EYS: variants seen among roughly 807,000 people sequenced by gnomAD.
EYS encodes the protein EGF-like photoreceptor maintenance factor.
EYS carries 250 observed loss-of-function variants against 282.1 expected under a neutral mutation model. That is an observed-to-expected ratio of 0.89 (90% CI 0.80 to 0.98). EYS has a LOEUF of 0.98. EYS is among the 50% of genes least tolerant of loss of function. EYS has a pLI of 0.00. For missense variants in EYS, 4,016 were observed against 3,709.0 expected (o/e 1.08, Z -2.15); for synonymous variants, 1,355 against 1,282.9 (o/e 1.06, Z -1.20).
At chr6:63,939,542 A>T (rs904845859) in intron 35 of EYS, among the ~76,000 whole-genome samples, 1 of 152,206 alleles carries the variant, frequency 6.6e-6, no homozygotes, top group South Asian at 2.1e-4. Flanking sequence ...GTTTTCCATA[A>T]TTAATGTCAT....
intron 26 of EYS, among the ~76,000 whole-genome samples, chr6:64,480,975 C>A (rs374436775): frequency 2.0e-5 from 3 of 151,404 alleles, no homozygotes; most frequent in African/African-American, 7.3e-5. Flanking sequence ...TCAGAATATA[C>A]CACATTTTCA....
chr6:63,962,267 A>C (rs1423574410), intron 35 of EYS, among the ~76,000 whole-genome samples: 1 of 152,220 alleles, frequency 6.6e-6, no homozygotes, highest in African/African-American at 2.4e-5. Context: ...ATGGGATCTA[A>C]TTAAACTAAA....
At chr6:64,367,747 C>T (rs550069898) in intron 29 of EYS, among the ~76,000 whole-genome samples, 13 of 152,136 alleles carry the variant, frequency 8.5e-5, no homozygotes, top group South Asian at 8.3e-4. Context: ...ACTTATGCAA[C>T]GGCAGCGTGG....
chr6:64,018,761 T>G (rs943553798), intron 33 of EYS, among the ~76,000 whole-genome samples: 1 of 98,554 alleles, frequency 1.0e-5, no homozygotes, highest in Non-Finnish European at 2.0e-5. Context: ...TCACAAGTGT[T>G]TTTTTTTTTT....
At chr6:64,970,069 A>G (rs1770236715) in intron 14 of EYS, among the ~76,000 whole-genome samples, 1 of 152,162 alleles carries the variant, frequency 6.6e-6, no homozygotes, top group Non-Finnish European at 1.5e-5. Flanking sequence ...ATTTTTTTCA[A>G]TAAGTATTGT....
intron 31 of EYS, among the ~76,000 whole-genome samples, chr6:64,156,390 T>A (rs1357467637): frequency 6.6e-6 from 1 of 152,076 alleles, no homozygotes. Context: ...ACCTCTTTTT[T>A]TCCCCCAGTC....
chr6:64,684,687 G>A (rs1770026752), intron 22 of EYS, among the ~76,000 whole-genome samples: 1 of 151,984 alleles, frequency 6.6e-6, no homozygotes, highest in South Asian at 2.1e-4. Context: ...AATATAGTAT[G>A]ACAAGTTTTT....
At chr6:64,558,539 A>T (rs927659573) in intron 26 of EYS, among the ~76,000 whole-genome samples, 1 of 152,044 alleles carries the variant, frequency 6.6e-6, no homozygotes, top group Non-Finnish European at 1.5e-5. Flanking sequence ...AGCAGAACAG[A>T]ACAACAACAA....
chr6:64,429,953 G>A (rs1005729406), intron 28 of EYS, among the ~76,000 whole-genome samples: 5 of 152,130 alleles, frequency 3.3e-5, no homozygotes, highest in Admixed American at 1.3e-4. Flanking sequence ...TTAATTAAAA[G>A]ATTAATGGGA....
At chr6:65,421,580 GCTAA>G (rs1172447416) in intron 5 of EYS, among the ~76,000 whole-genome samples, 3 of 151,812 alleles carry the variant, frequency 2.0e-5, no homozygotes, top group African/African-American at 7.2e-5. Flanking sequence ...TCACAACTTG[GCTAA>G]CTGTTAGGAG....
chr6:64,922,583 A>T (rs1218924389), intron 15 of EYS, among the ~76,000 whole-genome samples: 1 of 152,232 alleles, frequency 6.6e-6, no homozygotes, highest in Non-Finnish European at 1.5e-5. Context: ...ATAAAATGAG[A>T]GGAATCCCAA....
chr6:65,141,653 AT>A (rs1561987259), intron 12 of EYS, among the ~76,000 whole-genome samples: 1 of 2,756 alleles, frequency 3.6e-4, no homozygotes. Context: ...CTGTCTGTCT[AT>A]CTATCTATCT....
At chr6:63,926,157 C>A (rs374126956) in intron 35 of EYS, among the ~76,000 whole-genome samples, 13 of 152,312 alleles carry the variant, frequency 8.5e-5, no homozygotes, top group African/African-American at 3.1e-4. Flanking sequence ...TCAAAGTTCC[C>A]ATTAACTGTC....
intron 12 of EYS, among the ~76,000 whole-genome samples, chr6:65,097,583 T>C (rs1255687991): frequency 2.0e-5 from 3 of 150,744 alleles, no homozygotes; most frequent in African/African-American, 7.3e-5. Flanking sequence ...ATAAGCAAGA[T>C]AGGGAAACCA....
At chr6:63,984,197 T>C (rs974755566) in intron 35 of EYS, among the ~76,000 whole-genome samples, 186 bp downstream of exon 35, 5 of 151,768 alleles carry the variant, frequency 3.3e-5, no homozygotes, top group African/African-American at 1.2e-4. Context: ...TGAGCTACAA[T>C]ATATACATTT....
At position 64,910,659 on chromosome 6, in the gene EYS, A is replaced by G. The variant is rs78577554; in HGVS notation, c.2641+1825T>C. On this transcript the variant is annotated intron_variant, in intron 16 of 42. Transcript: ENST00000503581. ...GAAATAAGATTACATTTATTTAATA[A>G]TAGTGAAATCTAAATTCTCCCCATG... Among the ~76,000 whole-genome samples, 844 of 152,200 alleles carry G rather than the reference A, an allele frequency of 5.5e-3. 5 individuals are homozygous for G. The highest frequency in any genetic ancestry group is 0.019 in the African/African-American group (790 of 41,564).
In EYS at chr6:64,766,650, ATAT is replaced by A. The variant is rs1231634857; in HGVS notation, c.3443+46725_3443+46727del. On this transcript the variant is annotated intron_variant, in intron 22 of 42. Transcript: ENST00000503581. ...CCGTCTCAAAAAAAAAAAAAAAAAA[ATAT>A]ATATATATATATATATATATATATA... Among the ~76,000 whole-genome samples, 142 of 27,646 alleles carry A rather than the reference ATAT, an allele frequency of 5.1e-3. 10 individuals are homozygous for A. The highest frequency in any genetic ancestry group is 0.028 in the South Asian group (21 of 742). 18.1% of individuals were successfully genotyped at this position (27,646 alleles called of 152,430 possible). A position where few individuals can be genotyped will look rare whatever the true frequency, so the allele number is the denominator to read the frequency against.
At chr6:65,568,694 C>T (rs921632559) in intron 2 of EYS, among the ~76,000 whole-genome samples, 23 of 152,112 alleles carry the variant, frequency 1.5e-4, no homozygotes, top group African/African-American at 5.6e-4. Context: ...AAGTGGCTCA[C>T]TTATTTGATT....
chr6:63,918,170 G>A (rs965656276), intron 35 of EYS, among the ~76,000 whole-genome samples: 2 of 152,076 alleles, frequency 1.3e-5, no homozygotes, highest in Non-Finnish European at 2.9e-5. Context: ...GGGAATTACC[G>A]CATAACATTT....
Sources: allele counts gnomAD v4.1 joint callset (sites outside exome capture counted in the v4.1 genomes callset), GRCh38; gene constraint gnomAD v4.1.1; transcripts MANE v1.5; gene names NCBI Gene and HGNC (gene_info 2026-07-23, HGNC 2026-07-21).